EDNRA: variants seen among roughly 807,000 people sequenced by gnomAD.
EDNRA encodes endothelin-1 receptor.
A neutral mutation model predicts 41.4 loss-of-function variants in EDNRA; 11 were observed. That is an observed-to-expected ratio of 0.27 (90% CI 0.17 to 0.44). The LOEUF (loss-of-function observed/expected upper bound fraction) is 0.44. EDNRA is among the 20% of genes least tolerant of loss of function. The pLI is 1.00. For synonymous variants in EDNRA, 172 were observed against 183.0 expected (o/e 0.94, Z 0.49); for missense variants, 294 against 531.0 (o/e 0.55, Z 4.39).
At chr4:147,504,273 A>G (rs970133580) in intron 2 of EDNRA, among the ~76,000 whole-genome samples, 6 of 152,234 alleles carry the variant, frequency 3.9e-5, no homozygotes, top group Admixed American at 6.5e-5. Context: ...AACCATATTA[A>G]TGAACTTTTC....
chr4:147,512,555 G>A (rs1047256979), intron 2 of EDNRA, among the ~76,000 whole-genome samples: 8 of 152,154 alleles, frequency 5.3e-5, no homozygotes, highest in African/African-American at 1.7e-4. Context: ...CATCTCCTAC[G>A]GGAACTAACA....
chr4:147,499,279 T>C (rs1392066117), intron 2 of EDNRA, among the ~76,000 whole-genome samples: 1 of 152,138 alleles, frequency 6.6e-6, no homozygotes, highest in Non-Finnish European at 1.5e-5. Flanking sequence ...TGGTCTCAAA[T>C]TTTTGGACTC....
At chr4:147,508,072 T>C (rs1729783935) in intron 2 of EDNRA, among the ~76,000 whole-genome samples, 1 of 152,214 alleles carries the variant, frequency 6.6e-6, no homozygotes, top group South Asian at 2.1e-4. Flanking sequence ...GCAAATATTT[T>C]TCCCAGTTAG....
At position 147,485,890 on chromosome 4, in the gene EDNRA, C is replaced by T. The variant is rs763749000; in HGVS notation, c.209C>T (p.Pro70Leu). The T allele has an allele frequency of 6.2e-7, 1 of 1,614,232 alleles. No individual in the cohort carries two copies. Among genetic ancestry groups the T allele is most frequent in the East Asian group, 2.2e-5 (1 of 44,884 alleles). Residue 70 changes from proline to leucine, a missense_variant, in exon 2 of 8, where the codon CCA becomes CTA. Pro to Leu is a moderately conservative substitution (Grantham distance 98). Transcript: ENST00000651419. ...AATGGCTCAATGCACAACTATTGCC[C>T]ACAGCAGACTAAAATTACTTCAGCT... ...PSNGSMHNYC[P>L]QQTKITSAFK...
chr4:147,541,708 A>T (rs1448364619), intron 7 of EDNRA, among the ~76,000 whole-genome samples: 1 of 152,212 alleles, frequency 6.6e-6, no homozygotes, highest in East Asian at 1.9e-4. Context: ...ACACAAACAG[A>T]TGAAACTCGG....
intron 2 of EDNRA, among the ~76,000 whole-genome samples, chr4:147,514,112 C>T (rs1288177447): frequency 1.3e-5 from 2 of 152,286 alleles, no homozygotes; most frequent in East Asian, 3.9e-4. Flanking sequence ...CTTTCATATG[C>T]ATTAACCCAT....
intron 5 of EDNRA, among the ~76,000 whole-genome samples, chr4:147,539,190 A>C (rs1281943964): frequency 2.6e-5 from 4 of 151,838 alleles, no homozygotes. Flanking sequence ...AAGAAACTAC[A>C]TGTCATTAAG....
chr4:147,529,237 G>C (rs962485208), intron 3 of EDNRA, among the ~76,000 whole-genome samples: 5 of 152,174 alleles, frequency 3.3e-5, no homozygotes, highest in African/African-American at 9.7e-5. Flanking sequence ...GGAAGACAAG[G>C]AGTCTGATTT....
At position 147,513,966 on chromosome 4, in the gene EDNRA, C is replaced by T. The variant is rs573675969; in HGVS notation, c.421-5885C>T. On this transcript the variant is annotated intron_variant, in intron 2 of 7. Coordinates refer to ENST00000651419, the MANE Select transcript of EDNRA (RefSeq NM_001957.4). ...AGGATTAAGTAGCAGGGGATATTAA[C>T]ATCTGGAATGGATAAAGAGGCATAA... Among the ~76,000 whole-genome samples the T allele has an allele frequency of 5.3e-5, 8 of 152,294 alleles. No homozygotes were observed. In the East Asian group the frequency reaches 1.5e-3, roughly 29 times the overall value.
intron 2 of EDNRA, among the ~76,000 whole-genome samples, chr4:147,498,272 G>C (rs942531684): frequency 6.6e-6 from 1 of 152,084 alleles, no homozygotes; most frequent in Non-Finnish European, 1.5e-5. Context: ...TTTTGTTCTG[G>C]GGAAATAGCT....
chr4:147,522,042 A>G (rs1199258592), intron 3 of EDNRA, among the ~76,000 whole-genome samples: 3 of 152,238 alleles, frequency 2.0e-5, no homozygotes, highest in African/African-American at 4.8e-5. Context: ...GTGCTGGAAT[A>G]CACAAGAATG....
intron 2 of EDNRA, among the ~76,000 whole-genome samples, chr4:147,500,743 TAA>T (rs11405111): frequency 6.3e-4 from 81 of 129,304 alleles, no homozygotes; most frequent in Non-Finnish European, 5.1e-4. Flanking sequence ...GGGATGGAGG[TAA>T]AAAAAAAAAA....
chr4:147,506,621 G>A lies in EDNRA; in HGVS notation c.421-13230G>A, dbSNP rs1310131073. 4 of 304,576 alleles carry A rather than the reference G, an allele frequency of 1.3e-5. No homozygotes were observed. In the East Asian group the frequency reaches 3.7e-4, roughly 28 times the overall value. 18.9% of individuals were successfully genotyped at this position (304,576 alleles called of 1,614,324 possible). On this transcript the variant is annotated intron_variant, in intron 2 of 7. Coordinates refer to ENST00000651419, the MANE Select transcript of EDNRA (RefSeq NM_001957.4). ...GAAATATCAATATTATCATCTTAAG[G>A]ACTTGGTGGACATCACAAAACAACC...
In EDNRA at chr4:147,532,633, A is replaced by C. The variant is rs543490260; in HGVS notation, c.676A>C (p.Met226Leu). The part of the protein sequence containing the change: ...LAIPEAIGFV[M>L]VPFEYRGEQH... ...CATTCCTGAAGCGATTGGCTTCGTC[A>C]TGGTACCCTTTGAATATAGGGGTGA... The change falls in exon 4 of 8, where the codon ATG becomes CTG. Residue 226 changes from methionine (M) to leucine (L), a missense_variant. By Grantham distance (15) the Met-to-Leu change is conservative. Transcript: ENST00000651419. 6.2e-7 allele frequency: 1 copy of C among 1,613,982 alleles called. No individual in the cohort carries two copies. Among genetic ancestry groups the C allele is most frequent in the Non-Finnish European group, 8.5e-7 (1 of 1,180,030 alleles).
At chr4:147,523,651 C>A (rs867637432) in intron 3 of EDNRA, among the ~76,000 whole-genome samples, 1 of 151,726 alleles carries the variant, frequency 6.6e-6, no homozygotes, top group Admixed American at 6.6e-5. Context: ...CCACCACGCC[C>A]GGCTTATTTT....
chr4:147,508,556 C>A (rs1170858391), intron 2 of EDNRA, among the ~76,000 whole-genome samples: 2 of 152,188 alleles, frequency 1.3e-5, no homozygotes, highest in East Asian at 3.8e-4. Flanking sequence ...CAAAGAATTT[C>A]TCCTATGTTT....
At chr4:147,504,482 C>T (rs1371846518) in intron 2 of EDNRA, among the ~76,000 whole-genome samples, 1 of 152,000 alleles carries the variant, frequency 6.6e-6, no homozygotes, top group Non-Finnish European at 1.5e-5. Flanking sequence ...TCCTTTGTCA[C>T]GTGGAATATT....
intron 7 of EDNRA, among the ~76,000 whole-genome samples, chr4:147,541,099 A>C (rs886569332): frequency 7.4e-5 from 11 of 148,796 alleles, no homozygotes; most frequent in African/African-American, 2.8e-4. Flanking sequence ...AAAAAAAGAA[A>C]GGTCTCACTA....
intron 3 of EDNRA, among the ~76,000 whole-genome samples, chr4:147,530,308 T>A (rs551782925): frequency 2.6e-5 from 4 of 152,344 alleles, no homozygotes; most frequent in Admixed American, 2.0e-4. Flanking sequence ...AGCCTTGGGA[T>A]ATAGACATCC....
Sources: gnomAD v4.1 joint callset for allele counts (sites outside exome capture counted in the v4.1 genomes callset) on GRCh38, gnomAD v4.1.1 for gene constraint, MANE v1.5 for transcripts, NCBI Gene and HGNC (gene_info 2026-07-23, HGNC 2026-07-21) for gene names.